CLEC4C: variants seen among roughly 807,000 people sequenced by gnomAD.
CLEC4C encodes C-type lectin domain family 4 member C, also known as C-type (calcium dependent, carbohydrate-recognition domain) lectin, superfamily member 11.
Under a neutral mutation model 27.7 loss-of-function variants are expected in CLEC4C, and 17 were observed. The ratio of observed to expected loss-of-function variants is 0.61; its 90% CI spans 0.42 to 0.92. CLEC4C has a LOEUF of 0.92. Among genes scored for constraint, CLEC4C ranks in the 40% least tolerant of loss-of-function variants. The pLI is 0.00. For synonymous variants in CLEC4C, 80 were observed against 80.8 expected (o/e 0.99, Z 0.06); for missense variants, 244 against 257.3 (o/e 0.95, Z 0.35).
intron 1 of CLEC4C, 48 bp downstream of exon 1, chr12:7,747,270 C>T (rs901425065): frequency 6.3e-7 from 1 of 1,579,072 alleles, no homozygotes; most frequent in Non-Finnish European, 8.7e-7. Context: ...TTTCCCACTC[C>T]ATCCTGCTCC....
Position 7,730,783 on chromosome 12 carries a change from C to T in CLEC4C, c.497+14G>A. 7.2e-7 allele frequency: 1 copy of T among 1,388,988 alleles called. No homozygotes were observed. The highest frequency in any genetic ancestry group is 1.0e-6 in the Non-Finnish European group (1 of 974,938). The allele number at this position is 1,388,988 out of a possible 1,614,324, so 86.0% of individuals were successfully genotyped here. ...GATCAGGACCCAGTGTCCTTTACCT[C>T]ATTCTATACTCACGTGACATTTTCA... On this transcript the variant is annotated intron_variant, in intron 5 of 5. Coordinates refer to ENST00000360345, the MANE Select transcript of CLEC4C (RefSeq NM_001371390.1).
At chr12:7,740,273 A>T (rs1864823167) in intron 3 of CLEC4C, among the ~76,000 whole-genome samples, 1 of 152,106 alleles carries the variant, frequency 6.6e-6, no homozygotes, top group Admixed American at 6.6e-5. Context: ...CCACTATGCC[A>T]GGCATAATTT....
intron 2 of CLEC4C, among the ~76,000 whole-genome samples, chr12:7,744,410 G>A (rs536723474): frequency 2.0e-5 from 3 of 152,092 alleles, no homozygotes; most frequent in Admixed American, 6.6e-5. Context: ...GGAAGTCATC[G>A]TATTCAGTAA....
intron 3 of CLEC4C, among the ~76,000 whole-genome samples, chr12:7,738,810 A>G (rs9300243): frequency 0.71 from 108,298 of 152,142 alleles, 38,694 homozygotes; most frequent in Admixed American, 0.78. Flanking sequence ...GCCTCCTATG[A>G]TAGTTTTGTT....
intron 4 of CLEC4C, among the ~76,000 whole-genome samples, chr12:7,733,542 C>T (rs1405100002): frequency 1.4e-5 from 2 of 137,980 alleles, no homozygotes; most frequent in East Asian, 2.3e-4. Context: ...AGTGCAGTGG[C>T]GAGATCTTGG....
At chr12:7,746,251 G>A in intron 2 of CLEC4C, 80 bp downstream of exon 2, 2 of 792,464 alleles carry the variant, frequency 2.5e-6, no homozygotes, top group Non-Finnish European at 4.2e-6. Flanking sequence ...AAAGAAAGAG[G>A]AACGTGTTTC....
At chr12:7,746,449 C>T (rs1324618603) in intron 1 of CLEC4C, 26 bp from the exon 2 acceptor site, 2 of 1,455,910 alleles carry the variant, frequency 1.4e-6, no homozygotes, top group African/African-American at 1.4e-5. Context: ...GACAAATGCA[C>T]AGTCATAATC....
chr12:7,735,669 G>A (rs983239901), intron 4 of CLEC4C, among the ~76,000 whole-genome samples: 2 of 150,858 alleles, frequency 1.3e-5, no homozygotes, highest in Non-Finnish European at 3.0e-5. Context: ...GCCAGGTGTG[G>A]TGGTGGTCGC....
At chr12:7,745,386 G>GA (rs946898489) in intron 2 of CLEC4C, among the ~76,000 whole-genome samples, 16 of 126,396 alleles carry the variant, frequency 1.3e-4, no homozygotes, top group Admixed American at 1.8e-4. Flanking sequence ...AGAACCATCA[G>GA]AAAATAAATA....
chr12:7,740,122 C>T (rs936684304), intron 3 of CLEC4C, among the ~76,000 whole-genome samples: 10 of 151,934 alleles, frequency 6.6e-5, no homozygotes, highest in African/African-American at 1.5e-4. Context: ...GCATGAGCCA[C>T]CGTGCTGCGC....
chr12:7,736,911 T>C (rs1864739199), intron 4 of CLEC4C, among the ~76,000 whole-genome samples: 1 of 150,144 alleles, frequency 6.7e-6, no homozygotes, highest in Non-Finnish European at 1.5e-5. Context: ...TCAAAATAAA[T>C]AAATAAATAA....
chr12:7,742,511 GA>G (rs58893714), intron 2 of CLEC4C, among the ~76,000 whole-genome samples: 63 of 118,966 alleles, frequency 5.3e-4, no homozygotes, highest in Middle Eastern at 4.4e-3. Flanking sequence ...ACTTTGTCTC[GA>G]AAAAAAAAAA....
chr12:7,736,808 C>A (rs1190727588), intron 4 of CLEC4C, among the ~76,000 whole-genome samples: 1 of 151,916 alleles, frequency 6.6e-6, no homozygotes, highest in Non-Finnish European at 1.5e-5. Context: ...ACTTGGGAGG[C>A]AGGAGAATGG....
At chr12:7,741,043 T>C (rs1443754513) in intron 3 of CLEC4C, among the ~76,000 whole-genome samples, 1 of 152,078 alleles carries the variant, frequency 6.6e-6, no homozygotes. Flanking sequence ...GGTTTCACCG[T>C]GGTCTCGATC....
At position 7,745,938 on chromosome 12, in the gene CLEC4C, G is replaced by A. The variant is rs140939866; in HGVS notation, c.124+393C>T. 9.0e-3 allele frequency among the ~76,000 whole-genome samples: 1,365 copies of A among 151,838 alleles called. 25 individuals carry two copies. The highest frequency in any genetic ancestry group is 0.03 in the African/African-American group (1,229 of 41,432). On this transcript the variant is annotated intron_variant, in intron 2 of 5. Coordinates refer to ENST00000360345, the MANE Select transcript of CLEC4C (RefSeq NM_001371390.1). The stretch of plus-strand genomic sequence containing the variant: ...TATGTCAAGAAAGGGGAACGTGGCC[G>A]GGCGCGGTGGCTCACACCTGTAATC...
chr12:7,730,680 G>T, intron 5 of CLEC4C, 117 bp downstream of exon 5: 10 of 498,950 alleles, frequency 2.0e-5, no homozygotes, highest in East Asian at 3.5e-5. Context: ...ATGTCAAATA[G>T]ACCTAGGTTT....
chr12:7,735,470 T>C (rs1592091297), intron 4 of CLEC4C, among the ~76,000 whole-genome samples: 1 of 132,054 alleles, frequency 7.6e-6, no homozygotes, highest in Non-Finnish European at 1.6e-5. Context: ...GCCACTGCAC[T>C]CCAGCCTGGG....
chr12:7,733,597 TCAGCCTCCCGAGTAGCTGGAACTA>T (rs1565459636), intron 4 of CLEC4C, among the ~76,000 whole-genome samples: 1 of 149,898 alleles, frequency 6.7e-6, no homozygotes, highest in Non-Finnish European at 1.5e-5. Context: ...TTCTCCTGCC[TCAGCCTCCCGAGTAGCTGGAACTA>T]CAGGCTCCCG....
intron 2 of CLEC4C, 107 bp downstream of exon 2, chr12:7,746,224 A>C (rs1343126438): frequency 1.5e-6 from 1 of 681,820 alleles, no homozygotes; most frequent in Non-Finnish European, 2.4e-6. Context: ...AAAAAAAAAA[A>C]AAAAAAAAAG....
Sources: gnomAD v4.1 joint callset for allele counts (sites outside exome capture counted in the v4.1 genomes callset) on GRCh38, gnomAD v4.1.1 for gene constraint, MANE v1.5 for transcripts, NCBI Gene and HGNC (gene_info 2026-07-23, HGNC 2026-07-21) for gene names.